ROBO2: variants seen among roughly 807,000 people sequenced by gnomAD.
The protein encoded by ROBO2 is roundabout guidance receptor 2.
ROBO2 carries 53 observed loss-of-function variants against 160.8 expected under a neutral mutation model. That is an observed-to-expected ratio of 0.33 (90% CI 0.26 to 0.41). ROBO2 has a LOEUF of 0.41. ROBO2 is among the 10% of genes least tolerant of loss of function. The pLI is 1.00. For synonymous variants in ROBO2, 664 were observed against 611.7 expected (o/e 1.09, Z -1.26); for missense variants, 1,577 against 1,722.4 (o/e 0.92, Z 1.49).
chr3:77,223,796 A>G (rs903514423), intron 2 of ROBO2, among the ~76,000 whole-genome samples: 3 of 152,132 alleles, frequency 2.0e-5, no homozygotes, highest in Middle Eastern at 3.4e-3. Context: ...CAAGAGAAGT[A>G]TCTCATTTTT....
At chr3:76,910,947 T>G (rs1312291595) in intron 2 of ROBO2, among the ~76,000 whole-genome samples, 1 of 152,052 alleles carries the variant, frequency 6.6e-6, no homozygotes. Flanking sequence ...GTACTCTACT[T>G]AAATACTCTC....
chr3:76,482,300 A>G (rs913287309), intron 2 of ROBO2, among the ~76,000 whole-genome samples: 19 of 152,240 alleles, frequency 1.2e-4, no homozygotes, highest in African/African-American at 4.3e-4. Flanking sequence ...GAATCTTACA[A>G]TGGTCCTCTG....
chr3:76,617,185 C>T (rs746662491), intron 2 of ROBO2, among the ~76,000 whole-genome samples: 5 of 152,064 alleles, frequency 3.3e-5, no homozygotes, highest in Non-Finnish European at 7.3e-5. Context: ...ATTCTAAGGG[C>T]TTAGAGATCA....
At chr3:77,632,030 T>C (rs1306192057) in intron 23 of ROBO2, 1 of 152,462 alleles carries the variant, frequency 6.6e-6, no homozygotes, top group African/African-American at 2.4e-5. Flanking sequence ...TGATATACAG[T>C]GTAGTTTCTA....
chr3:77,391,616 CTT>C (rs1467209976), intron 2 of ROBO2, among the ~76,000 whole-genome samples: 1 of 152,130 alleles, frequency 6.6e-6, no homozygotes, highest in African/African-American at 2.4e-5. Flanking sequence ...GAGTCTCTCT[CTT>C]ATGACACATG....
intron 2 of ROBO2, among the ~76,000 whole-genome samples, chr3:76,152,073 A>G (rs1045450538): frequency 1.3e-5 from 2 of 152,166 alleles, no homozygotes; most frequent in African/African-American, 2.4e-5. Context: ...TTAAAAGGCC[A>G]TTTAACTTCT....
Position 77,558,413 on chromosome 3 carries a change from G to T in ROBO2, c.1437+264G>T, listed in dbSNP as rs12497678. Among the ~76,000 whole-genome samples the T allele has an allele frequency of 0.11, 15,979 of 151,966 alleles. 1,111 individuals carry two copies. Among genetic ancestry groups the T allele is most frequent in the South Asian group, 0.16 (772 of 4,808 alleles). ...CATATGTATACAGTCAACAAATCTA[G>T]AAATCTTAAACACATAGCATTAATA... is the stretch of plus-strand genomic sequence containing the variant. On this transcript the variant is annotated intron_variant, in intron 9 of 25. Coordinates refer to ENST00000461745, the Ensembl canonical transcript of ROBO2.
intron 2 of ROBO2, among the ~76,000 whole-genome samples, chr3:76,575,399 A>G (rs1411278767): frequency 6.6e-6 from 1 of 152,092 alleles, no homozygotes; most frequent in Non-Finnish European, 1.5e-5. Context: ...AATTATGTAC[A>G]GAATTTTCAT....
intron 2 of ROBO2, among the ~76,000 whole-genome samples, chr3:76,528,694 C>T (rs537580453): frequency 6.6e-6 from 1 of 152,104 alleles, no homozygotes; most frequent in Non-Finnish European, 1.5e-5. Context: ...ATGTAGGTTT[C>T]TCATTAGCAT....
At chr3:77,564,980 C>T in exon 12 of ROBO2, 1 of 1,613,488 alleles carries the variant, frequency 6.2e-7, no homozygotes, top group Non-Finnish European at 8.5e-7. Context: ...AGCTGGCAGA[C>T]CGTGGCAAAC....
intron 4 of ROBO2, among the ~76,000 whole-genome samples, chr3:77,486,092 C>T (rs969730936): frequency 1.3e-5 from 2 of 152,152 alleles, no homozygotes; most frequent in African/African-American, 4.8e-5. Context: ...CCATCTGTGT[C>T]CCTGCAAAGG....
intron 9 of ROBO2, among the ~76,000 whole-genome samples, chr3:77,559,885 A>C (rs1228273908): frequency 6.6e-6 from 1 of 152,126 alleles, no homozygotes; most frequent in Non-Finnish European, 1.5e-5. Flanking sequence ...GAGTTTAAAA[A>C]AGTAAATTAA....
At chr3:77,114,388 G>T (rs1376082744) in intron 2 of ROBO2, among the ~76,000 whole-genome samples, 12 of 152,070 alleles carry the variant, frequency 7.9e-5, no homozygotes, top group Admixed American at 7.9e-4. Flanking sequence ...TTTTCCCTAA[G>T]CCATGAAAAG....
chr3:76,519,776 A>G (rs1283403478), intron 2 of ROBO2, among the ~76,000 whole-genome samples: 4 of 151,840 alleles, frequency 2.6e-5, no homozygotes, highest in Non-Finnish European at 2.9e-5. Flanking sequence ...TCCATTTAAG[A>G]CTCCTTTTTT....
intron 2 of ROBO2, among the ~76,000 whole-genome samples, chr3:76,784,587 A>G (rs2062856507): frequency 6.6e-6 from 1 of 151,184 alleles, no homozygotes; most frequent in African/African-American, 2.4e-5. Flanking sequence ...TATATTGAGT[A>G]CCATGCATGG....
At chr3:77,339,212 G>A (rs1038694582) in intron 2 of ROBO2, among the ~76,000 whole-genome samples, 14 of 151,692 alleles carry the variant, frequency 9.2e-5, no homozygotes, top group Non-Finnish European at 1.3e-4. Context: ...TATATATTCC[G>A]TATGGTTGAA....
chr3:76,705,519 T>C (rs901371850), intron 2 of ROBO2, among the ~76,000 whole-genome samples: 1 of 151,912 alleles, frequency 6.6e-6, no homozygotes, highest in East Asian at 1.9e-4. Flanking sequence ...AGATGACAAG[T>C]AAAAAAGGCC....
chr3:76,418,123 CAAACTT>C (rs945833265), intron 2 of ROBO2, among the ~76,000 whole-genome samples: 25 of 150,490 alleles, frequency 1.7e-4, no homozygotes, highest in Non-Finnish European at 2.7e-4. Context: ...AAGAAAAAAA[CAAACTT>C]AAGCTCAAGC....
At chr3:76,119,417 T>C (rs528132512) in intron 2 of ROBO2, among the ~76,000 whole-genome samples, 5 of 152,066 alleles carry the variant, frequency 3.3e-5, no homozygotes, top group Non-Finnish European at 7.4e-5. Flanking sequence ...AGAATACCAG[T>C]GAGATTATGA....
Sources: gnomAD v4.1 joint callset for allele counts (sites outside exome capture counted in the v4.1 genomes callset) on GRCh38, gnomAD v4.1.1 for gene constraint, MANE v1.5 for transcripts, NCBI Gene and HGNC (gene_info 2026-07-23, HGNC 2026-07-21) for gene names.